PKNOX1: variants seen among roughly 807,000 people sequenced by gnomAD.
The protein encoded by PKNOX1 is homeobox protein PKNOX1.
A neutral mutation model predicts 51.9 loss-of-function variants in PKNOX1; 15 were observed. The observed-to-expected ratio is 0.29, with a 90% CI of 0.19 to 0.45. The LOEUF (loss-of-function observed/expected upper bound fraction) is 0.45, where lower values mean the gene tolerates loss of function less well. PKNOX1 is among the 20% of genes least tolerant of loss of function. The pLI is 1.00. For synonymous variants in PKNOX1, 219 were observed against 211.1 expected (o/e 1.04, Z -0.32); for missense variants, 462 against 547.5 (o/e 0.84, Z 1.56).
chr21:42,984,207 T>TGGG (rs1280155567), intron 1 of PKNOX1, among the ~76,000 whole-genome samples: 1 of 152,084 alleles, frequency 6.6e-6, no homozygotes, highest in Admixed American at 6.6e-5. Context: ...CCCAAGGAGC[T>TGGG]GGGACTTAAA....
chr21:42,999,403 G>C (rs567153557), intron 1 of PKNOX1, among the ~76,000 whole-genome samples: 2 of 152,344 alleles, frequency 1.3e-5, no homozygotes, highest in South Asian at 4.1e-4. Context: ...TTGTCTGGGG[G>C]ATTAACATTA....
At chr21:42,977,493 G>A (rs568645298) in intron 1 of PKNOX1, among the ~76,000 whole-genome samples, 129 of 148,782 alleles carry the variant, frequency 8.7e-4, no homozygotes, top group African/African-American at 2.9e-3. Context: ...TATGGGGACA[G>A]CTTCTTTCCT....
Position 43,032,131 on chromosome 21 carries a change from A to G in PKNOX1, c.*2030A>G, listed in dbSNP as rs1309440253. 1.1e-5 allele frequency: 5 copies of G among 455,876 alleles called. No homozygotes were observed. In the East Asian group the frequency reaches 3.5e-4, roughly 32 times the overall value. The allele number at this position is 455,876 out of a possible 1,614,324, so 28.2% of individuals were successfully genotyped here. A position where few individuals can be genotyped will look rare whatever the true frequency, so the allele number is the denominator to read the frequency against. ...TGCCTCAGCCTCCCAAAGTGCTGGG[A>G]TTACAGGTGTGAGCCACCGCGCCCG... is the stretch of plus-strand genomic sequence containing the variant. On this transcript the variant is annotated 3_prime_UTR_variant, in exon 11 of 11. Coordinates refer to ENST00000291547, the MANE Select transcript of PKNOX1 (RefSeq NM_004571.5).
intron 8 of PKNOX1, among the ~76,000 whole-genome samples, chr21:43,023,822 G>T (rs1979871226): frequency 6.6e-6 from 1 of 151,946 alleles, no homozygotes; most frequent in Admixed American, 6.6e-5. Flanking sequence ...CACCGTGTTA[G>T]CCAGGATGGT....
Position 42,975,122 on chromosome 21 carries a change from C to T in PKNOX1, c.-57+458C>T, listed in dbSNP as rs1370487342. On this transcript the variant is annotated intron_variant, in intron 1 of 10. Coordinates refer to ENST00000291547, the MANE Select transcript of PKNOX1 (RefSeq NM_004571.5). ...GTCGGGGGCGCGCGGCGGGGCGGGG[C>T]CGGGGCGGGCGGCGCGCGTGGGGCC... 3.5e-5 allele frequency among the ~76,000 whole-genome samples: 5 copies of T among 141,888 alleles called. No individual in the cohort carries two copies. The East Asian group carries it at 6.2e-4, about 18-fold the overall frequency. The allele number at this position is 141,888 out of a possible 152,430, so 93.1% of individuals were successfully genotyped here. A position where few individuals can be genotyped will look rare whatever the true frequency, so the allele number is the denominator to read the frequency against.
At chr21:43,023,869 C>T (rs562354364) in intron 8 of PKNOX1, among the ~76,000 whole-genome samples, 7 of 152,008 alleles carry the variant, frequency 4.6e-5, no homozygotes, top group Middle Eastern at 3.4e-3. Flanking sequence ...CCACCTTGGC[C>T]TCCCAAAGTA....
intron 1 of PKNOX1, among the ~76,000 whole-genome samples, chr21:43,001,234 C>T (rs910004278): frequency 3.3e-5 from 5 of 152,328 alleles, no homozygotes; most frequent in African/African-American, 9.6e-5. Context: ...GGCCGTTATC[C>T]GTTATACCAG....
At chr21:42,995,071 G>C (rs1444321215) in intron 1 of PKNOX1, among the ~76,000 whole-genome samples, 1 of 151,806 alleles carries the variant, frequency 6.6e-6, no homozygotes, top group Non-Finnish European at 1.5e-5. Context: ...ACAGGTGCCT[G>C]CCACCATATC....
At chr21:43,024,605 C>G (rs1379122503) in intron 8 of PKNOX1, 1 of 402,366 alleles carries the variant, frequency 2.5e-6, no homozygotes, top group Admixed American at 4.2e-5. Context: ...CTCATGATGT[C>G]GCTGCTGTTA....
In PKNOX1 at chr21:43,033,876, AC is replaced by A. The variant is rs2146305963; in HGVS notation, c.*3776del. On this transcript the variant is annotated 3_prime_UTR_variant, in exon 11 of 11. Coordinates refer to ENST00000291547, the MANE Select transcript of PKNOX1 (RefSeq NM_004571.5). ...CACAAATCTAATTATTTTGATAGTT[AC>A]AAGAAGATAATGATTCATCAGTAAG... 6.6e-6 allele frequency: 1 copy of A among 152,372 alleles called. No homozygotes were observed. Among genetic ancestry groups the A allele is most frequent in the Non-Finnish European group, 1.5e-5 (1 of 68,030 alleles). 9.4% of individuals were successfully genotyped at this position (152,372 alleles called of 1,614,324 possible).
chr21:42,979,743 GAAAAAAA>G (rs774739153), intron 1 of PKNOX1, among the ~76,000 whole-genome samples: 1 of 150,270 alleles, frequency 6.7e-6, no homozygotes, highest in Non-Finnish European at 1.5e-5. Flanking sequence ...CTCCATCTCA[GAAAAAAA>G]GAAAAAAGAA....
chr21:42,979,513 C>T (rs8126996), intron 1 of PKNOX1, among the ~76,000 whole-genome samples: 17 of 151,934 alleles, frequency 1.1e-4, no homozygotes, highest in Non-Finnish European at 2.1e-4. Flanking sequence ...GAGGCCGAGG[C>T]GGGTGGATCA....
chr21:43,012,907 C>T (rs971817096), intron 4 of PKNOX1, among the ~76,000 whole-genome samples, 161 bp from the exon 5 acceptor site: 9 of 152,136 alleles, frequency 5.9e-5, no homozygotes, highest in East Asian at 1.9e-4. Context: ...TCAGTGGCAC[C>T]GGAACAACAC....
In PKNOX1 at chr21:43,013,249, T is replaced by A. The variant is rs781702142; in HGVS notation, c.522+11T>A. 6 of 1,558,360 alleles carry A rather than the reference T, an allele frequency of 3.9e-6. No individual in the cohort carries two copies. In the African/African-American group the frequency reaches 6.9e-5, roughly 18 times the overall value. ...CCAGTGCAGTCCCAGGTACTTACAT[T>A]TGGGGGTCTCGCTTTCCCTCTCTGC... On this transcript the variant is annotated intron_variant, in intron 5 of 10. Transcript: ENST00000291547.
chr21:42,994,087 C>A (rs1365039483), intron 1 of PKNOX1, among the ~76,000 whole-genome samples: 2 of 136,868 alleles, frequency 1.5e-5, no homozygotes, highest in Non-Finnish European at 3.1e-5. Context: ...GTCGCCCAGG[C>A]TGGAGTACAG....
chr21:42,998,502 C>G (rs1978607187), intron 1 of PKNOX1, among the ~76,000 whole-genome samples: 2 of 152,198 alleles, frequency 1.3e-5, no homozygotes, highest in East Asian at 3.8e-4. Flanking sequence ...TAAAAGTCCA[C>G]AGTCCAAAGT....
At chr21:42,995,682 A>G (rs1978469603) in intron 1 of PKNOX1, among the ~76,000 whole-genome samples, 1 of 152,190 alleles carries the variant, frequency 6.6e-6, no homozygotes, top group African/African-American at 2.4e-5. Context: ...ATCTCAAAAA[A>G]ATAAAAAATG....
chr21:42,992,982 G>A (rs949066239), intron 1 of PKNOX1, among the ~76,000 whole-genome samples: 8 of 151,494 alleles, frequency 5.3e-5, no homozygotes, highest in East Asian at 3.9e-4. Context: ...TCAGGGGGGC[G>A]TTCCTCACAG....
intron 1 of PKNOX1, among the ~76,000 whole-genome samples, chr21:42,979,663 A>G (rs2059016756): frequency 6.6e-6 from 1 of 152,116 alleles, no homozygotes; most frequent in Admixed American, 6.5e-5. Context: ...AATGGCGTGA[A>G]CCCAGGGGGC....
Sources: allele counts gnomAD v4.1 joint callset (sites outside exome capture counted in the v4.1 genomes callset), GRCh38; gene constraint gnomAD v4.1.1; transcripts MANE v1.5; gene names NCBI Gene and HGNC (gene_info 2026-07-23, HGNC 2026-07-21).